Variants in GRIP1 observed in about 807,000 individuals in gnomAD.
The protein encoded by GRIP1 is glutamate receptor-interacting protein 1.
Under a neutral mutation model 129.9 loss-of-function variants are expected in GRIP1, and 45 were observed. The observed-to-expected ratio is 0.35, with a 90% CI of 0.27 to 0.44. The LOEUF (loss-of-function observed/expected upper bound fraction) is 0.44, where lower values mean the gene tolerates loss of function less well. GRIP1 is among the 20% of genes least tolerant of loss of function. GRIP1 has a pLI of 1.00. For synonymous variants in GRIP1, 530 were observed against 520.8 expected (o/e 1.02, Z -0.24); for missense variants, 1,196 against 1,396.8 (o/e 0.86, Z 2.29).
At chr12:66,937,130 A>C (rs997856342) in intron 1 of GRIP1, among the ~76,000 whole-genome samples, 1 of 151,898 alleles carries the variant, frequency 6.6e-6, no homozygotes, top group African/African-American at 2.4e-5. Flanking sequence ...TGTTCCCTCT[A>C]CCTGAAACAT....
chr12:67,023,301 T>C (rs1335143576), intron 1 of GRIP1, among the ~76,000 whole-genome samples: 1 of 152,246 alleles, frequency 6.6e-6, no homozygotes, highest in East Asian at 1.9e-4. Context: ...GAGTTAACTT[T>C]TTAATAAGAT....
intron 1 of GRIP1, among the ~76,000 whole-genome samples, chr12:66,920,671 A>G (rs1416855282): frequency 6.6e-6 from 1 of 152,232 alleles, no homozygotes; most frequent in African/African-American, 2.4e-5. Context: ...AAAGAAAGTT[A>G]TGTAACTCAG....
intron 1 of GRIP1, among the ~76,000 whole-genome samples, chr12:66,749,350 C>T (rs2037052741): frequency 6.6e-6 from 1 of 151,932 alleles, no homozygotes; most frequent in African/African-American, 2.4e-5. Flanking sequence ...GGAAAGAGAC[C>T]AACTCAATTC....
intron 11 of GRIP1, among the ~76,000 whole-genome samples, chr12:66,451,431 T>C: frequency 8.3e-6 from 1 of 121,168 alleles, no homozygotes; most frequent in Non-Finnish European, 1.6e-5. Flanking sequence ...TCAGATAGGC[T>C]CTCACTCTGT....
chr12:66,921,064 T>C (rs2041204877), intron 1 of GRIP1, among the ~76,000 whole-genome samples: 1 of 152,174 alleles, frequency 6.6e-6, no homozygotes, highest in South Asian at 2.1e-4. Flanking sequence ...GTCCTGATGT[T>C]ACCATTAGAG....
intron 1 of GRIP1, among the ~76,000 whole-genome samples, chr12:66,744,303 G>GGCTTTCTCTTCCCTTTCAC (rs2036879149): frequency 6.6e-6 from 1 of 151,932 alleles, no homozygotes; most frequent in Non-Finnish European, 1.5e-5. Flanking sequence ...TATAAGGATA[G>GGCTTTCTCTTCCCTTTCAC]GCTTTCTCTT....
chr12:67,025,184 C>CA (rs2042923603), intron 1 of GRIP1, among the ~76,000 whole-genome samples: 1 of 151,982 alleles, frequency 6.6e-6, no homozygotes, highest in African/African-American at 2.4e-5. Flanking sequence ...ACTAAAAATA[C>CA]AAAAAAATTA....
At chr12:66,357,164 A>C (rs2054532446) in intron 23 of GRIP1, among the ~76,000 whole-genome samples, 1 of 152,220 alleles carries the variant, frequency 6.6e-6, no homozygotes, top group Non-Finnish European at 1.5e-5. Context: ...GGTGTGAGCC[A>C]CTGTGCCCGG....
chr12:66,808,432 G>A (rs2039039457), upstream of GRIP1, among the ~76,000 whole-genome samples: 2 of 152,082 alleles, frequency 1.3e-5, no homozygotes, highest in South Asian at 4.2e-4. Flanking sequence ...CGAGTAGCTA[G>A]GATTACAGGC....
At chr12:66,794,475 T>C (rs1026949816) in intron 1 of GRIP1, among the ~76,000 whole-genome samples, 1 of 152,084 alleles carries the variant, frequency 6.6e-6, no homozygotes, top group Non-Finnish European at 1.5e-5. Flanking sequence ...GGCTAACCCT[T>C]GGGAGAGTGA....
At chr12:66,781,487 T>C (rs1164249629) in intron 1 of GRIP1, among the ~76,000 whole-genome samples, 1 of 152,156 alleles carries the variant, frequency 6.6e-6, no homozygotes, top group Non-Finnish European at 1.5e-5. Flanking sequence ...TGAGATACAG[T>C]TCATATACCA....
At chr12:66,375,664 T>C (rs1263276106) in intron 22 of GRIP1, among the ~76,000 whole-genome samples, 1 of 152,216 alleles carries the variant, frequency 6.6e-6, no homozygotes, top group Non-Finnish European at 1.5e-5. Context: ...GCCACATCTG[T>C]CTGGAGCTAT....
At chr12:66,970,349 T>C (rs1025606488) in intron 1 of GRIP1, among the ~76,000 whole-genome samples, 9 of 152,184 alleles carry the variant, frequency 5.9e-5, no homozygotes, top group Non-Finnish European at 7.3e-5. Context: ...CCCAAAGTGC[T>C]AGAATTATAG....
intron 1 of GRIP1, among the ~76,000 whole-genome samples, chr12:67,025,032 C>G (rs1836283847): frequency 6.6e-6 from 1 of 152,106 alleles, no homozygotes; most frequent in Admixed American, 6.6e-5. Context: ...GCATAAAACC[C>G]TCTATGTAGG....
chr12:66,539,544 G>GTTTTTTTTTTTTTTTTTTTTTT (rs1250833017), intron 3 of GRIP1, among the ~76,000 whole-genome samples: 2 of 67,664 alleles, frequency 3.0e-5, no homozygotes, highest in African/African-American at 1.2e-4. Flanking sequence ...ATCAAGAGAA[G>GTTTTTTTTTTTTTTTTTTTTTT]CTTTTTTTTT....
At chr12:66,928,422 C>T (rs528136659) in intron 1 of GRIP1, among the ~76,000 whole-genome samples, 1 of 152,262 alleles carries the variant, frequency 6.6e-6, no homozygotes, top group South Asian at 2.1e-4. Flanking sequence ...TTCTCCAGAA[C>T]ACTTAGAAGT....
chr12:67,002,667 C>G (rs993592984), intron 1 of GRIP1, among the ~76,000 whole-genome samples: 1 of 152,192 alleles, frequency 6.6e-6, no homozygotes, highest in South Asian at 2.1e-4. Flanking sequence ...TTTCTTTTCT[C>G]ATTTTTAGAT....
chr12:66,754,762 G>A (rs1008871175), intron 1 of GRIP1, among the ~76,000 whole-genome samples: 3 of 152,108 alleles, frequency 2.0e-5, no homozygotes, highest in African/African-American at 4.8e-5. Flanking sequence ...AAATGAAAAC[G>A]GGAGGATAGA....
rs3051221 is a variant in GRIP1, at chr12:67,033,271, G to GTATATATATATATATA, written c.58+35763_58+35778dup. Among the ~76,000 whole-genome samples, 55 of 143,028 alleles carry GTATATATATATATATA rather than the reference G, an allele frequency of 3.8e-4. 1 individual carries two copies. The highest frequency in any genetic ancestry group is 5.5e-4 in the Non-Finnish European group (36 of 65,654). The allele number at this position is 143,028 out of a possible 152,430, so 93.8% of individuals were successfully genotyped here. A position where few individuals can be genotyped will look rare whatever the true frequency, so the allele number is the denominator to read the frequency against. On this transcript the variant is annotated intron_variant, in intron 1 of 1. Coordinates refer to the GRIP1 transcript ENST00000643019. Reference sequence around the variant, plus strand: ...GGAGACCTGGGATCAAAGACTACATGTATATATATATATATATATATAAAG... The same window carrying GTATATATATATATATA: ...GGAGACCTGGGATCAAAGACTACATGTATATATATATATATATATATATATATATATATATATAAAG...
Sources: allele counts gnomAD v4.1 joint callset (sites outside exome capture counted in the v4.1 genomes callset), GRCh38; gene constraint gnomAD v4.1.1; transcripts MANE v1.5; gene names NCBI Gene and HGNC (gene_info 2026-07-23, HGNC 2026-07-21).